Variants in SNAPC1 observed in about 807,000 individuals in gnomAD.
The protein encoded by SNAPC1 is snRNA-activating protein complex subunit 1.
Under a neutral mutation model 50.1 loss-of-function variants are expected in SNAPC1, and 42 were observed. The observed-to-expected ratio is 0.84, with a 90% CI of 0.65 to 1.08. SNAPC1 has a LOEUF of 1.08. SNAPC1 is among the 50% of genes least tolerant of loss of function. SNAPC1 has a pLI of 0.00. For synonymous variants in SNAPC1, 164 were observed against 144.2 expected (o/e 1.14, Z -0.98); for missense variants, 477 against 427.3 (o/e 1.12, Z -1.02).
At chr14:61,782,178 T>C in intron 7 of SNAPC1, 69 bp from the exon 8 acceptor site, 1 of 1,162,006 alleles carries the variant, frequency 8.6e-7, no homozygotes, top group South Asian at 1.6e-5. Context: ...GTACATTTTG[T>C]CTTCCTCTCA....
At chr14:61,769,746 G>T (rs1475732342) in intron 4 of SNAPC1, among the ~76,000 whole-genome samples, 1 of 152,132 alleles carries the variant, frequency 6.6e-6, no homozygotes, top group Non-Finnish European at 1.5e-5. Context: ...TGAAAACAGT[G>T]AGTCTATTTT....
At chr14:61,763,986 G>A (rs1355835568) in intron 1 of SNAPC1, among the ~76,000 whole-genome samples, 1 of 152,114 alleles carries the variant, frequency 6.6e-6, no homozygotes, top group Non-Finnish European at 1.5e-5. Flanking sequence ...CCAGGCTGGA[G>A]TGTAATGGTG....
At chr14:61,768,547 GA>G (rs750742125) in intron 3 of SNAPC1, 88 bp from the exon 4 acceptor site, 46 of 699,648 alleles carry the variant, frequency 6.6e-5, no homozygotes, top group Non-Finnish European at 1.1e-4. Flanking sequence ...TTTACTTATA[GA>G]CAATTTTTAG....
intron 6 of SNAPC1, among the ~76,000 whole-genome samples, chr14:61,778,590 C>T (rs2045051154): frequency 6.6e-6 from 1 of 152,204 alleles, no homozygotes; most frequent in Non-Finnish European, 1.5e-5. Flanking sequence ...CCCAGGCTTT[C>T]ATTCATACTG....
intron 4 of SNAPC1, among the ~76,000 whole-genome samples, chr14:61,769,587 CAG>C (rs1195670409): frequency 1.3e-5 from 2 of 151,638 alleles, no homozygotes; most frequent in Admixed American, 1.3e-4. Flanking sequence ...TTGGTAGAAA[CAG>C]GGTTTTGCCG....
chr14:61,794,055 G>A (rs903952614), intron 9 of SNAPC1, among the ~76,000 whole-genome samples: 22 of 152,154 alleles, frequency 1.4e-4, no homozygotes, highest in Non-Finnish European at 3.1e-4. Context: ...GGTTCGTGCT[G>A]TTTCTAGATG....
chr14:61,784,766 A>G (rs556604830), intron 8 of SNAPC1, among the ~76,000 whole-genome samples: 2 of 152,224 alleles, frequency 1.3e-5, no homozygotes, highest in African/African-American at 4.8e-5. Flanking sequence ...CTTGTGTATT[A>G]GATTACAAAG....
intron 1 of SNAPC1, 31 bp from the exon 2 acceptor site, chr14:61,766,845 A>G: frequency 1.4e-6 from 2 of 1,406,420 alleles, no homozygotes; most frequent in Non-Finnish European, 2.0e-6. Flanking sequence ...TCACTTAATG[A>G]GTCGTAATAT....
chr14:61,773,397 G>GTTTTTTTTTTTT (rs58782943), intron 4 of SNAPC1, among the ~76,000 whole-genome samples: 1 of 99,314 alleles, frequency 1.0e-5, no homozygotes, highest in African/African-American at 4.0e-5. Context: ...TATTTCCTTA[G>GTTTTTTTTTTTT]TTTTTTTTTT....
intron 4 of SNAPC1, among the ~76,000 whole-genome samples, chr14:61,772,163 C>T (rs575468478): frequency 2.0e-5 from 3 of 152,160 alleles, no homozygotes; most frequent in South Asian, 2.1e-4. Flanking sequence ...GTAGGGTGAT[C>T]GTAGCTCACT....
chr14:61,769,564 A>T (rs978012839), intron 4 of SNAPC1, among the ~76,000 whole-genome samples: 3 of 151,284 alleles, frequency 2.0e-5, no homozygotes, highest in Non-Finnish European at 4.4e-5. Flanking sequence ...TGCCCGGCTG[A>T]TTTTTTGTAT....
rs145322507 is a variant in SNAPC1 at position 61,768,622 on chromosome 14, G to A, written c.430-14G>A. ...AAAAGATACTCATTTAAAAAGACAC[G>A]TATTATCACATAGCTGTCATATAGG... On this transcript the variant is annotated splice_polypyrimidine_tract_variant and intron_variant, in intron 3 of 9. Transcript: ENST00000216294. The A allele has an allele frequency of 1.2e-4, 167 of 1,345,468 alleles. 1 individual carries two copies. In the African/African-American group the frequency reaches 1.7e-3, roughly 14 times the overall value. 83.3% of individuals were successfully genotyped at this position (1,345,468 alleles called of 1,614,324 possible).
intron 4 of SNAPC1, among the ~76,000 whole-genome samples, chr14:61,771,335 AG>A (rs1430647264): frequency 1.3e-5 from 2 of 152,252 alleles, no homozygotes; most frequent in African/African-American, 4.8e-5. Context: ...AGACTAGGTT[AG>A]GAAGTAATGG....
intron 3 of SNAPC1, 87 bp from the exon 4 acceptor site, chr14:61,768,549 C>A: frequency 1.4e-6 from 1 of 712,340 alleles, no homozygotes; most frequent in South Asian, 1.9e-5. Context: ...TACTTATAGA[C>A]AATTTTTAGT....
intron 4 of SNAPC1, among the ~76,000 whole-genome samples, chr14:61,771,159 A>C (rs965651604): frequency 2.0e-5 from 3 of 152,236 alleles, no homozygotes; most frequent in Admixed American, 2.0e-4. Context: ...ATTCCTCAAT[A>C]TCTGAAGACA....
chr14:61,793,350 C>G (rs887849548), intron 9 of SNAPC1, among the ~76,000 whole-genome samples: 1 of 152,020 alleles, frequency 6.6e-6, no homozygotes, highest in Admixed American at 6.6e-5. Flanking sequence ...CTATCCTCCC[C>G]TCCCGCCTCA....
chr14:61,772,886 G>A (rs1310689983), intron 4 of SNAPC1, among the ~76,000 whole-genome samples: 1 of 152,152 alleles, frequency 6.6e-6, no homozygotes, highest in Admixed American at 6.6e-5. Flanking sequence ...GAAGCTTTTA[G>A]GAATGGAATA....
At chr14:61,771,199 T>A (rs1312085603) in intron 4 of SNAPC1, among the ~76,000 whole-genome samples, 1 of 152,240 alleles carries the variant, frequency 6.6e-6, no homozygotes, top group African/African-American at 2.4e-5. Flanking sequence ...TGGGAAAATA[T>A]TTTGTGTAGA....
intron 8 of SNAPC1, among the ~76,000 whole-genome samples, chr14:61,791,930 A>G (rs1352832765): frequency 6.6e-6 from 1 of 152,122 alleles, no homozygotes; most frequent in African/African-American, 2.4e-5. Context: ...CTTTTTAAAA[A>G]AAGAAAATAG....
Sources: gnomAD v4.1 joint callset for allele counts (sites outside exome capture counted in the v4.1 genomes callset) on GRCh38, gnomAD v4.1.1 for gene constraint, MANE v1.5 for transcripts, NCBI Gene and HGNC (gene_info 2026-07-23, HGNC 2026-07-21) for gene names.